Variants in SLC5A8 observed in about 807,000 individuals in gnomAD.
SLC5A8 encodes solute carrier family 5 member 8, also known as sodium-coupled monocarboxylate transporter 1.
A neutral mutation model predicts 71.9 loss-of-function variants in SLC5A8; 55 were observed. That is an observed-to-expected ratio of 0.77 (90% CI 0.62 to 0.96). SLC5A8 has a LOEUF of 0.96. Ranked by LOEUF, SLC5A8 falls within the 40% of genes least tolerant of loss-of-function variation. The pLI is 0.00. For synonymous variants in SLC5A8, 307 were observed against 276.1 expected (o/e 1.11, Z -1.11); for missense variants, 701 against 745.3 (o/e 0.94, Z 0.69).
intron 6 of SLC5A8, among the ~76,000 whole-genome samples, chr12:101,189,515 C>T (rs944821849): frequency 6.6e-6 from 1 of 152,154 alleles, no homozygotes; most frequent in African/African-American, 2.4e-5. Context: ...CTCCTTAGAG[C>T]TTTAAAGCCC....
At position 101,157,539 on chromosome 12, in the gene SLC5A8, G is replaced by A. The variant is rs907897692; in HGVS notation, c.1711-138C>T. On this transcript the variant is annotated intron_variant, in intron 14 of 14. Coordinates refer to ENST00000536262, the MANE Select transcript of SLC5A8 (RefSeq NM_145913.5). ...TACTGAGGGAGAGAAATATATAACA[G>A]GTATACTTCCTCAGAGGATACCGAG... The A allele has an allele frequency of 5.7e-6, 6 of 1,054,562 alleles. No homozygotes were observed. In the Admixed American group the frequency reaches 1.1e-4, roughly 20 times the overall value. The allele number at this position is 1,054,562 out of a possible 1,614,324, so 65.3% of individuals were successfully genotyped here. A position where few individuals can be genotyped will look rare whatever the true frequency, so the allele number is the denominator to read the frequency against.
At chr12:101,168,024 T>A in intron 11 of SLC5A8, 72 bp downstream of exon 11, 1 of 1,391,164 alleles carries the variant, frequency 7.2e-7, no homozygotes, top group Non-Finnish European at 9.9e-7. Flanking sequence ...AGGAACCAAC[T>A]GAGAAAAAAG....
At chr12:101,158,488 C>T (rs887870411) in intron 13 of SLC5A8, among the ~76,000 whole-genome samples, 160 bp from the exon 14 acceptor site, 25 of 149,558 alleles carry the variant, frequency 1.7e-4, no homozygotes, top group African/African-American at 5.1e-4. Flanking sequence ...TCACTTAGCC[C>T]GCAATTCCCC....
At chr12:101,166,402 A>T in intron 12 of SLC5A8, 92 bp downstream of exon 12, 2 of 1,055,894 alleles carry the variant, frequency 1.9e-6, no homozygotes, top group Non-Finnish European at 1.3e-6. Flanking sequence ...AGGCAAAATC[A>T]CAGTGTTGTA....
chr12:101,180,044 CA>C lies in SLC5A8; in HGVS notation c.1217del (p.Met406ArgfsTer41). The C allele has an allele frequency of 6.2e-7, 1 of 1,614,012 alleles. No individual in the cohort carries two copies. The highest frequency in any genetic ancestry group is 8.5e-7 in the Non-Finnish European group (1 of 1,179,930). ...CIGMAALASL[M>X]GALLQAALSV... ...CAGCTCTCACCTGCAACAAAGCTCC[CA>C]TAAGTGACGCCAGCGCAGCCATTCC... On this transcript the variant is annotated frameshift_variant, in exon 10 of 15. Transcript: ENST00000536262. LOFTEE classifies it high-confidence loss of function.
At chr12:101,202,046 G>A (rs898737752) in intron 3 of SLC5A8, 118 bp downstream of exon 3, 10 of 999,250 alleles carry the variant, frequency 1.0e-5, no homozygotes, top group South Asian at 1.4e-5. Context: ...GCTAAGTAAA[G>A]CTGATGCAGG....
intron 1 of SLC5A8, among the ~76,000 whole-genome samples, chr12:101,209,133 G>A (rs1869798215): frequency 6.6e-6 from 1 of 152,162 alleles, no homozygotes; most frequent in African/African-American, 2.4e-5. Context: ...CCTGAGACCT[G>A]AAGAACTTAC....
At chr12:101,161,873 G>T in intron 13 of SLC5A8, 101 bp downstream of exon 13, 1 of 829,722 alleles carries the variant, frequency 1.2e-6, no homozygotes, top group Non-Finnish European at 2.0e-6. Context: ...TAAACTAGTT[G>T]GCAATAGGAT....
intron 14 of SLC5A8, 54 bp downstream of exon 14, chr12:101,158,193 CTA>C: frequency 8.4e-7 from 1 of 1,195,754 alleles, no homozygotes; most frequent in South Asian, 1.3e-5. Flanking sequence ...AATTAGTGTT[CTA>C]TCCAGGTAAT....
At chr12:101,170,123 G>A (rs961340229) in intron 10 of SLC5A8, among the ~76,000 whole-genome samples, 14 of 152,190 alleles carry the variant, frequency 9.2e-5, no homozygotes, top group Admixed American at 7.2e-4. Context: ...GTTGAAGACA[G>A]TGAGGTGCCC....
intron 3 of SLC5A8, among the ~76,000 whole-genome samples, chr12:101,201,235 T>C (rs1409591070): frequency 6.6e-6 from 1 of 152,248 alleles, no homozygotes; most frequent in African/African-American, 2.4e-5. Flanking sequence ...GTAATACCGA[T>C]GTGGAACATG....
Position 101,177,482 on chromosome 12 carries a change from T to C in SLC5A8, c.1233+2547A>G, listed in dbSNP as rs867655504. On this transcript the variant is annotated intron_variant, in intron 10 of 14. Transcript: ENST00000536262. ...ACACACACACACACACACACACGCA[T>C]GCATGCACACACACACACCACTACA... Among the ~76,000 whole-genome samples the C allele has an allele frequency of 3.6e-3, 499 of 138,736 alleles. 3 individuals carry two copies. Among genetic ancestry groups the C allele is most frequent in the African/African-American group, 0.013 (484 of 37,558 alleles). 91.0% of individuals were successfully genotyped at this position (138,736 alleles called of 152,430 possible).
At chr12:101,169,229 A>T (rs1419982686) in intron 10 of SLC5A8, among the ~76,000 whole-genome samples, 1 of 152,224 alleles carries the variant, frequency 6.6e-6, no homozygotes, top group Non-Finnish European at 1.5e-5. Context: ...TAACAAAGAC[A>T]CCCAAAAAAG....
intron 10 of SLC5A8, among the ~76,000 whole-genome samples, chr12:101,171,366 T>G (rs1028075554): frequency 2.6e-5 from 4 of 152,136 alleles, no homozygotes; most frequent in African/African-American, 4.8e-5. Context: ...TGCCTATCAT[T>G]AATCTTATAG....
chr12:101,157,609 C>T (rs1337385674), intron 14 of SLC5A8, among the ~76,000 whole-genome samples: 2 of 150,842 alleles, frequency 1.3e-5, no homozygotes, highest in African/African-American at 2.4e-5. Flanking sequence ...ACAAAATAGC[C>T]CATCAGACAA....
rs779943420 is a variant in SLC5A8, at chr12:101,161,962, TTAGA to T, written c.1630+8_1630+11del. On this transcript the variant is annotated splice_region_variant and intron_variant, in intron 13 of 14. Coordinates refer to ENST00000536262, the MANE Select transcript of SLC5A8 (RefSeq NM_145913.5). ...GAGGTAAATACAACAATACTAATGT[TTAGA>T]TAGTTACCTGTTGATAAACTGACAA... The T allele has an allele frequency of 1.9e-6, 3 of 1,567,176 alleles. No homozygotes were observed. In the South Asian group the frequency reaches 3.3e-5, roughly 17 times the overall value.
In SLC5A8 at chr12:101,172,833, G is replaced by T. The variant is rs147140008; in HGVS notation, c.1234-4651C>A. On this transcript the variant is annotated intron_variant, in intron 10 of 14. Coordinates refer to ENST00000536262, the MANE Select transcript of SLC5A8 (RefSeq NM_145913.5). ...GACTGTGGCCATCAGGGCCAGGAGA[G>T]TTGGTTTGGCTTATGATGGGCTCTC... 2.2e-3 allele frequency among the ~76,000 whole-genome samples: 340 copies of T among 152,298 alleles called. 4 individuals carry two copies. In the East Asian group the frequency reaches 0.038, roughly 17 times the overall value.
chr12:101,158,144 T>C (rs2051684745), intron 14 of SLC5A8, 105 bp downstream of exon 14: 3 of 815,874 alleles, frequency 3.7e-6, no homozygotes, highest in Non-Finnish European at 6.2e-6. Context: ...GGTCTATACC[T>C]TCCTTGTCCA....
intron 3 of SLC5A8, among the ~76,000 whole-genome samples, chr12:101,196,386 A>G (rs986439018): frequency 6.6e-6 from 1 of 152,220 alleles, no homozygotes; most frequent in Non-Finnish European, 1.5e-5. Context: ...TCAGCAGTAC[A>G]TATACTAAAA....
Sources: gnomAD v4.1 joint callset for allele counts (sites outside exome capture counted in the v4.1 genomes callset) on GRCh38, gnomAD v4.1.1 for gene constraint, MANE v1.5 for transcripts, NCBI Gene and HGNC (gene_info 2026-07-23, HGNC 2026-07-21) for gene names.